The following COL25A1 variants were observed in gnomAD, a reference collection of about 807,000 sequenced individuals.
COL25A1 encodes collagen alpha-1(XXV) chain.
COL25A1 carries 103 observed loss-of-function variants against 128.4 expected under a neutral mutation model. The ratio of observed to expected loss-of-function variants is 0.80; its 90% confidence interval spans 0.68 to 0.94. COL25A1 has a LOEUF of 0.94. Among genes scored for constraint, COL25A1 ranks in the 40% least tolerant of loss-of-function variants. The pLI is 0.00. For missense variants in COL25A1, 745 were observed against 840.0 expected (o/e 0.89, Z 1.40); for synonymous variants, 279 against 277.2 (o/e 1.01, Z -0.06).
At chr4:108,877,468 T>C (rs73840730) in intron 19 of COL25A1, among the ~76,000 whole-genome samples, 6,491 of 152,268 alleles carry the variant, frequency 0.043, 374 homozygotes, top group African/African-American at 0.13. Context: ...ACAGAAATGA[T>C]GTAAACTACA....
intron 24 of COL25A1, among the ~76,000 whole-genome samples, chr4:108,857,576 A>G (rs996014662): frequency 1.3e-5 from 2 of 151,950 alleles, no homozygotes; most frequent in African/African-American, 4.8e-5. Flanking sequence ...TTTAAAAAAA[A>G]AAAACGACTT....
intron 3 of COL25A1, among the ~76,000 whole-genome samples, chr4:109,239,813 G>A (rs1779762425): frequency 6.6e-6 from 1 of 151,988 alleles, no homozygotes; most frequent in Admixed American, 6.6e-5. Context: ...TGACTGTCTT[G>A]TAATAAATCT....
At chr4:109,020,334 A>G (rs1757609379) in intron 5 of COL25A1, among the ~76,000 whole-genome samples, 1 of 152,214 alleles carries the variant, frequency 6.6e-6, no homozygotes, top group Non-Finnish European at 1.5e-5. Flanking sequence ...GAATTTTTCA[A>G]TTTAAGGTTT....
At chr4:109,219,451 T>C (rs1778267672) in intron 3 of COL25A1, among the ~76,000 whole-genome samples, 1 of 152,032 alleles carries the variant, frequency 6.6e-6, no homozygotes, top group Non-Finnish European at 1.5e-5. Flanking sequence ...ATTATCAGTT[T>C]TTACTCTTAG....
At position 108,860,979 on chromosome 4, in the gene COL25A1, C is replaced by A. The variant is rs777492537; in HGVS notation, c.1198-8G>T. On this transcript the variant is annotated splice_polypyrimidine_tract_variant and splice_region_variant and intron_variant, in intron 22 of 37. Coordinates refer to ENST00000399132, the MANE Select transcript of COL25A1 (RefSeq NM_198721.4). ...TTTTTCTCCACGATCCCCCTTTTCCCGTTGGAAAGAGAAAAAACTTAATCA... is the reference window on the plus strand; with the variant it reads ...TTTTTCTCCACGATCCCCCTTTTCCAGTTGGAAAGAGAAAAAACTTAATCA... 5 of 1,612,998 alleles carry A rather than the reference C, an allele frequency of 3.1e-6. No individual in the cohort carries two copies. The Admixed American group carries it at 6.7e-5, about 22-fold the overall frequency.
At chr4:108,993,519 A>G (rs1754432951) in intron 6 of COL25A1, among the ~76,000 whole-genome samples, 2 of 152,184 alleles carry the variant, frequency 1.3e-5, no homozygotes, top group South Asian at 4.1e-4. Flanking sequence ...CATATGTACC[A>G]TTTACAACTC....
chr4:109,147,893 G>A (rs1460400298), intron 3 of COL25A1, among the ~76,000 whole-genome samples: 1 of 151,988 alleles, frequency 6.6e-6, no homozygotes, highest in Non-Finnish European at 1.5e-5. Flanking sequence ...TGTATGAATG[G>A]AGTGCTTATA....
At chr4:109,257,390 T>C (rs1781151015) in intron 3 of COL25A1, among the ~76,000 whole-genome samples, 1 of 152,220 alleles carries the variant, frequency 6.6e-6, no homozygotes, top group Non-Finnish European at 1.5e-5. Context: ...GCTATTCATC[T>C]ATGAAAGATG....
chr4:108,961,728 G>T (rs2125969570), intron 8 of COL25A1, among the ~76,000 whole-genome samples: 1 of 152,024 alleles, frequency 6.6e-6, no homozygotes, highest in East Asian at 1.9e-4. Context: ...TTTCCCTTTA[G>T]CAGTCCCGGA....
At chr4:109,050,035 A>G in intron 4 of COL25A1, 100 bp downstream of exon 4, 1 of 944,748 alleles carries the variant, frequency 1.1e-6, no homozygotes. Flanking sequence ...ACACACACAT[A>G]TAACCTCCAA....
Position 108,845,300 on chromosome 4 carries a change from G to T in COL25A1, c.1516-49C>A, listed in dbSNP as rs574188459. The T allele has an allele frequency of 3.3e-5, 49 of 1,473,460 alleles. No homozygotes were observed. In the South Asian group the frequency reaches 5.3e-4, roughly 16 times the overall value. 91.3% of individuals were successfully genotyped at this position (1,473,460 alleles called of 1,614,324 possible). A position where few individuals can be genotyped will look rare whatever the true frequency, so the allele number is the denominator to read the frequency against. On this transcript the variant is annotated intron_variant, in intron 28 of 37. Coordinates refer to ENST00000399132, the MANE Select transcript of COL25A1 (RefSeq NM_198721.4). ...TTAAGCAGGTAAAGTTATTTCCAGT[G>T]TAAGAGACAACTGAATTTTCTCCCC...
chr4:108,866,359 ATT>A (rs1737920931), intron 20 of COL25A1, among the ~76,000 whole-genome samples: 1 of 151,762 alleles, frequency 6.6e-6, no homozygotes, highest in Non-Finnish European at 1.5e-5. Flanking sequence ...TGCCCAGATG[ATT>A]TTTGTATTTT....
intron 3 of COL25A1, among the ~76,000 whole-genome samples, chr4:109,058,807 T>C (rs1274812818): frequency 6.6e-6 from 1 of 152,208 alleles, no homozygotes; most frequent in Non-Finnish European, 1.5e-5. Context: ...AAATTAATCA[T>C]TTAGCATGAT....
chr4:108,884,417 A>AT (rs1331101678), intron 18 of COL25A1, among the ~76,000 whole-genome samples, 195 bp from the exon 19 acceptor site: 6 of 152,168 alleles, frequency 3.9e-5, no homozygotes, highest in Non-Finnish European at 7.4e-5. Context: ...CTCTTCACAG[A>AT]TTTTTTGGGA....
intron 5 of COL25A1, among the ~76,000 whole-genome samples, chr4:109,013,057 T>C (rs1756809102): frequency 6.6e-6 from 1 of 151,880 alleles, no homozygotes; most frequent in East Asian, 1.9e-4. Flanking sequence ...ATCTAGCTAA[T>C]CTGGTAGGGA....
At chr4:109,124,542 ATT>A (rs201989368) in intron 3 of COL25A1, among the ~76,000 whole-genome samples, 2 of 151,856 alleles carry the variant, frequency 1.3e-5, no homozygotes, top group African/African-American at 4.8e-5. Flanking sequence ...AAGAATTAAA[ATT>A]TTTTTTCCAG....
intron 3 of COL25A1, among the ~76,000 whole-genome samples, chr4:109,161,369 G>C (rs1038812362): frequency 1.3e-5 from 2 of 152,138 alleles, no homozygotes; most frequent in African/African-American, 4.8e-5. Flanking sequence ...GGTTGTTCTA[G>C]TTGATAGAAA....
chr4:109,016,290 C>T (rs1470487269), intron 5 of COL25A1, among the ~76,000 whole-genome samples: 2 of 152,366 alleles, frequency 1.3e-5, no homozygotes, highest in African/African-American at 4.8e-5. Flanking sequence ...GCCTCAGCCC[C>T]CTCCAGACTT....
chr4:108,852,172 T>C (rs1735860812), intron 26 of COL25A1, 64 bp downstream of exon 26: 1 of 1,238,112 alleles, frequency 8.1e-7, no homozygotes, highest in South Asian at 1.3e-5. Context: ...CAAAGATGCA[T>C]ATACTTAATA....
Sources: allele counts gnomAD v4.1 joint callset (sites outside exome capture counted in the v4.1 genomes callset), GRCh38; gene constraint gnomAD v4.1.1; transcripts MANE v1.5; gene names NCBI Gene and HGNC (gene_info 2026-07-23, HGNC 2026-07-21).